The following ZDHHC11 variants were observed in gnomAD, a reference collection of about 807,000 sequenced individuals.
ZDHHC11 encodes the protein zDHHC palmitoyltransferase 11.
In ZDHHC11, 44 loss-of-function variants were observed where a neutral mutation model predicts 51.3. The ratio of observed to expected loss-of-function variants is 0.86; its 90% CI spans 0.67 to 1.10. ZDHHC11 has a LOEUF of 1.10. Ranked by LOEUF, ZDHHC11 falls within the 50% of genes least tolerant of loss-of-function variation. ZDHHC11 has a pLI of 0.00. For synonymous variants in ZDHHC11, 163 were observed against 222.0 expected (o/e 0.73, Z 2.36); for missense variants, 400 against 537.7 (o/e 0.74, Z 2.53).
At chr5:852,262 G>A (rs761397714), upstream of ZDHHC11, among the ~76,000 whole-genome samples, 2 of 152,218 alleles carry the variant, frequency 1.3e-5, no homozygotes, top group African/African-American at 2.4e-5. Context: ...TCTTAGAGAG[G>A]AGAAGAGGGG....
intron 8 of ZDHHC11, among the ~76,000 whole-genome samples, chr5:824,904 C>A (rs987411435): frequency 6.6e-6 from 1 of 151,604 alleles, no homozygotes; most frequent in African/African-American, 2.4e-5. Flanking sequence ...ATCACCACAG[C>A]CTGATGGTGG....
chr5:833,965 C>A (rs1434271768), intron 6 of ZDHHC11, among the ~76,000 whole-genome samples, 158 bp from the exon 7 acceptor site: 1 of 152,198 alleles, frequency 6.6e-6, no homozygotes, highest in African/African-American at 2.4e-5. Flanking sequence ...CTTACGTGTG[C>A]ACGTGTTTTC....
intron 1 of ZDHHC11, 145 bp downstream of exon 1, chr5:850,236 A>G: frequency 1.1e-6 from 1 of 932,340 alleles, no homozygotes; most frequent in South Asian, 1.6e-5. Flanking sequence ...CACTGGGCCC[A>G]CCTGCAGGCT....
intron 8 of ZDHHC11, among the ~76,000 whole-genome samples, chr5:823,225 T>G (rs111970982): frequency 5.8e-4 from 87 of 151,064 alleles, no homozygotes; most frequent in African/African-American, 1.9e-3. Context: ...ATTCTAGGAT[T>G]TTTGTAGGAA....
intron 4 of ZDHHC11, chr5:841,063 ACT>A: frequency 1.2e-5 from 6 of 516,404 alleles, no homozygotes; most frequent in Non-Finnish European, 1.3e-5. Context: ...CCCCTTCCTC[ACT>A]AAGTGCCGGG....
chr5:816,631 G>A (rs1388288688), intron 10 of ZDHHC11: 3 of 627,472 alleles, frequency 4.8e-6, no homozygotes, highest in Non-Finnish European at 9.3e-6. Context: ...TTGCCATAGT[G>A]GCTGTGATTT....
upstream of ZDHHC11, among the ~76,000 whole-genome samples, chr5:859,595 A>T (rs1180635619): frequency 6.6e-6 from 1 of 152,152 alleles, no homozygotes; most frequent in African/African-American, 2.4e-5. Context: ...CGTGGCTCTC[A>T]CTGACTTCAG....
At chr5:851,495 G>A (rs896100663), upstream of ZDHHC11, among the ~76,000 whole-genome samples, 1 of 152,224 alleles carries the variant, frequency 6.6e-6, no homozygotes, top group Non-Finnish European at 1.5e-5. Context: ...CAAAGTCCTT[G>A]TTGTCTCTTT....
chr5:817,645 A>G (rs1324406884), intron 10 of ZDHHC11, among the ~76,000 whole-genome samples: 3 of 151,292 alleles, frequency 2.0e-5, no homozygotes, highest in African/African-American at 7.3e-5. Flanking sequence ...CTCTCTAAAT[A>G]TGAGGTCTCT....
In ZDHHC11 at chr5:814,780, G is replaced by A. The variant is rs200955248; in HGVS notation, c.1162C>T (p.Pro388Ser). The change falls in exon 11 of 13, where the codon CCG (proline) becomes TCG (serine). Residue 388 changes from proline (P) to serine (S), a missense_variant. This residue lies in a region of ZDHHC11 where 231 missense variants were observed against 227.4 expected (regional missense o/e 1.02). Transcript: ENST00000283441. ...GSMAQEADDA[P>S]SISTLGLQQE... is the part of the protein sequence containing the mutation. ...ACTTACCCAAGTGTAGATATACTCG[G>A]GGCATCATCTGCTTCCTGTGGGGGG... The A allele has an allele frequency of 2.1e-5, 32 of 1,557,084 alleles. 1 individual carries two copies. Among genetic ancestry groups the A allele is most frequent in the Middle Eastern group, 3.4e-4 (2 of 5,952 alleles).
At chr5:850,106 C>A (rs1304865297) in intron 1 of ZDHHC11, among the ~76,000 whole-genome samples, 6 of 152,246 alleles carry the variant, frequency 3.9e-5, no homozygotes, top group Non-Finnish European at 5.9e-5. Flanking sequence ...GCCAGCAGGG[C>A]GGGTCCTGCG....
Position 837,561 on chromosome 5 carries a change from G to A in ZDHHC11, c.785-81C>T. On this transcript the variant is annotated intron_variant, in intron 5 of 12. Transcript: ENST00000283441. ...CGCCCACAGGACAGCTCAGCAGAGT[G>A]GCCAGTGCCACTGATCCGGCCCCTG... 3 of 1,451,722 alleles carry A rather than the reference G, an allele frequency of 2.1e-6. No homozygotes were observed. The Admixed American group carries it at 5.0e-5, about 24-fold the overall frequency. The allele number at this position is 1,451,722 out of a possible 1,614,324, so 89.9% of individuals were successfully genotyped here. A position where few individuals can be genotyped will look rare whatever the true frequency, so the allele number is the denominator to read the frequency against.
At chr5:827,748 T>A (rs1243874356) in intron 7 of ZDHHC11, among the ~76,000 whole-genome samples, 19 of 150,978 alleles carry the variant, frequency 1.3e-4, no homozygotes, top group African/African-American at 4.4e-4. Context: ...ATTCTTTATT[T>A]TTTTTTTTTT....
chr5:854,276 G>A (rs1303891444), upstream of ZDHHC11, among the ~76,000 whole-genome samples: 3 of 144,636 alleles, frequency 2.1e-5, no homozygotes, highest in Admixed American at 6.9e-5. Context: ...CAAGGACAGT[G>A]AGCCAGGGGC....
At chr5:827,750 T>A (rs529947953) in intron 7 of ZDHHC11, among the ~76,000 whole-genome samples, 204 of 151,230 alleles carry the variant, frequency 1.3e-3, no homozygotes, top group African/African-American at 4.6e-3. Context: ...TCTTTATTTT[T>A]TTTTTTTTAT....
intron 3 of ZDHHC11, among the ~76,000 whole-genome samples, chr5:847,019 T>C (rs1347530324): frequency 1.3e-5 from 2 of 150,852 alleles, no homozygotes; most frequent in Admixed American, 1.3e-4. Flanking sequence ...TCTCTCTTCC[T>C]TGCATCTCCA....
rs927154145 is a variant in ZDHHC11 at position 817,625 on chromosome 5, T to A, written c.1146+1900A>T. On this transcript the variant is annotated intron_variant, in intron 10 of 12. Transcript: ENST00000283441. Reference sequence around the variant, plus strand: ...ATATTCTGTGAGTTTTCTAGGGAGGTTAAACTTTCCTCTCTAAATATGAGG... The same window carrying A: ...ATATTCTGTGAGTTTTCTAGGGAGGATAAACTTTCCTCTCTAAATATGAGG... 7.3e-5 allele frequency among the ~76,000 whole-genome samples: 11 copies of A among 151,182 alleles called. No individual in the cohort carries two copies. In the East Asian group the frequency reaches 1.9e-3, roughly 27 times the overall value.
chr5:836,812 G>C (rs1743918759), intron 6 of ZDHHC11, among the ~76,000 whole-genome samples: 1 of 150,048 alleles, frequency 6.7e-6, no homozygotes, highest in African/African-American at 2.5e-5. Flanking sequence ...TGTAATCCCA[G>C]CACTTTCGGA....
chr5:838,080 T>C (rs1455669347), intron 5 of ZDHHC11, among the ~76,000 whole-genome samples: 1 of 151,606 alleles, frequency 6.6e-6, no homozygotes, highest in Admixed American at 6.6e-5. Context: ...GCCCAGGAGG[T>C]GAACACGAGT....
Sources: allele counts gnomAD v4.1 joint callset (sites outside exome capture counted in the v4.1 genomes callset), GRCh38; gene constraint gnomAD v4.1.1; regional missense constraint gnomAD v4.1.1; transcripts MANE v1.5; gene names NCBI Gene and HGNC (gene_info 2026-07-23, HGNC 2026-07-21).